The following CAMK1D variants were observed in gnomAD, a reference collection of about 807,000 sequenced individuals.
CAMK1D encodes calcium/calmodulin dependent protein kinase ID.
Under a neutral mutation model 47.7 loss-of-function variants are expected in CAMK1D, and 9 were observed. The observed-to-expected ratio is 0.19, with a 90% CI of 0.11 to 0.33. The LOEUF is 0.33. Among genes scored for constraint, CAMK1D ranks in the 10% least tolerant of loss-of-function variants. The pLI is 1.00. For synonymous variants in CAMK1D, 184 were observed against 184.9 expected, an observed-to-expected ratio of 0.99 and a Z score of 0.04; for missense variants, 291 against 488.7, an observed-to-expected ratio of 0.60 and a Z score of 3.81.
intron 3 of CAMK1D, among the ~76,000 whole-genome samples, chr10:12,735,448 A>C (rs1201599669): frequency 1.3e-5 from 2 of 152,222 alleles, no homozygotes; most frequent in Non-Finnish European, 2.9e-5. Context: ...ACTGCACTCC[A>C]GCCTGGGCGA....
intron 1 of CAMK1D, among the ~76,000 whole-genome samples, chr10:12,499,597 T>G (rs1189855845): frequency 6.6e-6 from 1 of 152,182 alleles, no homozygotes; most frequent in Non-Finnish European, 1.5e-5. Context: ...TGATAGGATT[T>G]GGCTGGAAGC....
chr10:12,564,364 G>A (rs1337647287), intron 2 of CAMK1D, among the ~76,000 whole-genome samples: 1 of 151,848 alleles, frequency 6.6e-6, no homozygotes, highest in Non-Finnish European at 1.5e-5. Flanking sequence ...TCTTCTATGT[G>A]GTTTTGGCAT....
intron 1 of CAMK1D, among the ~76,000 whole-genome samples, chr10:12,404,586 GAGTTATTCTTGGTATGA>G (rs1456470364): frequency 6.6e-6 from 1 of 152,180 alleles, no homozygotes; most frequent in African/African-American, 2.4e-5. Flanking sequence ...TGCTGAGATT[GAGTTATTCTTGGTATGA>G]ATAACTTCCT....
At chr10:12,616,189 C>A (rs1402833587) in intron 2 of CAMK1D, among the ~76,000 whole-genome samples, 1 of 151,894 alleles carries the variant, frequency 6.6e-6, no homozygotes, top group Non-Finnish European at 1.5e-5. Flanking sequence ...TATGAGTGTG[C>A]ACATGTGTGT....
In CAMK1D at chr10:12,827,436, C is replaced by CTTTCTTTCTTTTCTTTCTTT. The variant is rs1833273197; in HGVS notation, c.1040-1331_1040-1330insTCTTTCTTTTCTTTCTTTTT. On this transcript the variant is annotated intron_variant, in intron 10 of 10. Coordinates refer to ENST00000619168, the MANE Select transcript of CAMK1D (RefSeq NM_153498.4). ...CTCTCTTTCTTTCCTTCCTTCCTTC[C>CTTTCTTTCTTTTCTTTCTTT]TTCTTTCTTTCTTTCTTTTCTTTCT... 2.5e-5 allele frequency among the ~76,000 whole-genome samples: 3 copies of CTTTCTTTCTTTTCTTTCTTT among 121,546 alleles called. 1 individual carries two copies. The highest frequency in any genetic ancestry group is 9.3e-5 in the African/African-American group (3 of 32,204). The allele number at this position is 121,546 out of a possible 152,430, so 79.7% of individuals were successfully genotyped here. A position where few individuals can be genotyped will look rare whatever the true frequency, so the allele number is the denominator to read the frequency against.
intron 1 of CAMK1D, among the ~76,000 whole-genome samples, chr10:12,448,344 T>G (rs993357732): frequency 1.3e-5 from 2 of 148,744 alleles, no homozygotes; most frequent in African/African-American, 5.0e-5. Context: ...ATTTTTACTT[T>G]TTGTATTTTT....
At chr10:12,704,089 G>T (rs1474576254) in intron 3 of CAMK1D, among the ~76,000 whole-genome samples, 1 of 152,090 alleles carries the variant, frequency 6.6e-6, no homozygotes, top group African/African-American at 2.4e-5. Context: ...TGTGCAAAGG[G>T]TAAGTTATTC....
intron 1 of CAMK1D, among the ~76,000 whole-genome samples, chr10:12,501,244 C>A (rs1834694029): frequency 1.3e-5 from 2 of 152,174 alleles, no homozygotes; most frequent in African/African-American, 2.4e-5. Flanking sequence ...GCCCTGGGGG[C>A]AGAATTTACT....
At chr10:12,548,905 G>A (rs769716787) in intron 1 of CAMK1D, among the ~76,000 whole-genome samples, 31 of 151,902 alleles carry the variant, frequency 2.0e-4, no homozygotes, top group Admixed American at 3.3e-4. Flanking sequence ...ATCAAGGTTG[G>A]AGTGCATAGG....
At chr10:12,571,579 G>A (rs1837330379) in intron 2 of CAMK1D, among the ~76,000 whole-genome samples, 1 of 152,144 alleles carries the variant, frequency 6.6e-6, no homozygotes, top group Admixed American at 6.5e-5. Context: ...ATTTACCTGT[G>A]AAAGGCACTG....
intron 2 of CAMK1D, among the ~76,000 whole-genome samples, chr10:12,628,602 A>G (rs1216276466): frequency 6.6e-6 from 1 of 152,202 alleles, no homozygotes; most frequent in Non-Finnish European, 1.5e-5. Context: ...TACATTTGCT[A>G]TAATTGATGA....
intron 1 of CAMK1D, among the ~76,000 whole-genome samples, chr10:12,429,510 T>G (rs1383506504): frequency 6.6e-6 from 1 of 152,114 alleles, no homozygotes; most frequent in Non-Finnish European, 1.5e-5. Flanking sequence ...TGGCTAATTT[T>G]TGTATTTTTA....
intron 1 of CAMK1D, among the ~76,000 whole-genome samples, chr10:12,421,013 C>G (rs1325795668): frequency 6.6e-6 from 1 of 152,158 alleles, no homozygotes; most frequent in Non-Finnish European, 1.5e-5. Context: ...CTGGTTTGAA[C>G]AGCACCACTC....
chr10:12,779,156 G>A (rs1464280804), intron 5 of CAMK1D, among the ~76,000 whole-genome samples: 1 of 147,940 alleles, frequency 6.8e-6, no homozygotes, highest in Non-Finnish European at 1.5e-5. Flanking sequence ...TGGCTCCTCA[G>A]GATACCATGG....
intron 1 of CAMK1D, among the ~76,000 whole-genome samples, chr10:12,434,539 C>G (rs1172047017): frequency 6.6e-6 from 1 of 152,178 alleles, no homozygotes; most frequent in African/African-American, 2.4e-5. Flanking sequence ...AAGCTGTGAG[C>G]TCTCTCATTA....
chr10:12,420,846 A>C (rs78851950), intron 1 of CAMK1D, among the ~76,000 whole-genome samples: 1 of 152,274 alleles, frequency 6.6e-6, no homozygotes, highest in African/African-American at 2.4e-5. Flanking sequence ...TCACGTTGGT[A>C]TCTGGGACAA....
chr10:12,360,399 A>G (rs995463301), intron 1 of CAMK1D, among the ~76,000 whole-genome samples: 1 of 152,178 alleles, frequency 6.6e-6, no homozygotes, highest in Admixed American at 6.5e-5. Flanking sequence ...TTGTGGATGG[A>G]GAGAAGAGAA....
chr10:12,693,758 C>A (rs979795527), intron 3 of CAMK1D, among the ~76,000 whole-genome samples: 1 of 149,888 alleles, frequency 6.7e-6, no homozygotes, highest in South Asian at 2.1e-4. Context: ...ACAGCCCTCA[C>A]AATTGTGTGA....
chr10:12,683,429 T>A (rs1292770560), intron 3 of CAMK1D, among the ~76,000 whole-genome samples: 5 of 152,130 alleles, frequency 3.3e-5, no homozygotes, highest in Non-Finnish European at 7.3e-5. Flanking sequence ...AAAAACCAAT[T>A]TATCAATTCA....
Sources: allele counts gnomAD v4.1 joint callset (sites outside exome capture counted in the v4.1 genomes callset), GRCh38; gene constraint gnomAD v4.1.1; transcripts MANE v1.5; gene names NCBI Gene and HGNC (gene_info 2026-07-23, HGNC 2026-07-21).